The following LUZP2 variants were observed in gnomAD, a reference collection of about 807,000 sequenced individuals.
The protein encoded by LUZP2 is leucine zipper protein 2.
A neutral mutation model predicts 51.6 loss-of-function variants in LUZP2; 52 were observed. The ratio of observed to expected loss-of-function variants is 1.01; its 90% CI spans 0.81 to 1.27. The LOEUF (loss-of-function observed/expected upper bound fraction) is 1.27, where lower values mean the gene tolerates loss of function less well. Among genes scored for constraint, LUZP2 ranks in the 50% most tolerant of loss-of-function variants. LUZP2 has a pLI of 0.00. For missense variants in LUZP2, 436 were observed against 395.4 expected (o/e 1.10, Z -0.87); for synonymous variants, 154 against 137.3 (o/e 1.12, Z -0.85).
chr11:24,987,920 A>G (rs558849809), intron 9 of LUZP2, among the ~76,000 whole-genome samples: 5 of 152,104 alleles, frequency 3.3e-5, no homozygotes, highest in Non-Finnish European at 5.9e-5. Flanking sequence ...CTGGGTGTCA[A>G]TACTCCTGAT....
At chr11:24,897,069 C>G (rs1332799697) in intron 5 of LUZP2, among the ~76,000 whole-genome samples, 1 of 152,110 alleles carries the variant, frequency 6.6e-6, no homozygotes. Context: ...CCAATCAGTG[C>G]TCTGTGTCTA....
intron 1 of LUZP2, among the ~76,000 whole-genome samples, chr11:24,566,050 AATAAAAAAAATTACAAGGCATGTACAT>A (rs1367523267): frequency 4.0e-5 from 6 of 151,876 alleles, no homozygotes; most frequent in Admixed American, 3.9e-4. Context: ...TAGCAACAAT[AATAAAAAAAATTACAAGGCATGTACAT>A]ATAGAAAAAA....
At chr11:24,567,028 A>G (rs1427439855) in intron 1 of LUZP2, among the ~76,000 whole-genome samples, 7 of 147,034 alleles carry the variant, frequency 4.8e-5, no homozygotes, top group African/African-American at 9.9e-5. Context: ...TTTTTAGTAG[A>G]GACAGGATTT....
intron 5 of LUZP2, among the ~76,000 whole-genome samples, chr11:24,904,126 C>T (rs1455896234): frequency 6.6e-6 from 1 of 152,158 alleles, no homozygotes; most frequent in Non-Finnish European, 1.5e-5. Flanking sequence ...TCCACATCCT[C>T]ATCAGTACTT....
At chr11:24,879,186 C>A (rs960286190) in intron 5 of LUZP2, among the ~76,000 whole-genome samples, 1 of 152,086 alleles carries the variant, frequency 6.6e-6, no homozygotes, top group Non-Finnish European at 1.5e-5. Context: ...CCTCGTGATC[C>A]ACCCGCCTAG....
At chr11:24,692,144 C>G (rs1033908920) in intron 1 of LUZP2, among the ~76,000 whole-genome samples, 1 of 151,420 alleles carries the variant, frequency 6.6e-6, no homozygotes, top group Admixed American at 6.6e-5. Flanking sequence ...ACTTATGCAT[C>G]AGCTTCTTCA....
intron 9 of LUZP2, 49 bp downstream of exon 9, chr11:24,983,342 T>A (rs1856095144): frequency 6.4e-7 from 1 of 1,568,420 alleles, no homozygotes; most frequent in Non-Finnish European, 8.7e-7. Context: ...AGTAATGTGT[T>A]GTCTTTAAAG....
At chr11:24,952,337 A>G (rs920153736) in intron 7 of LUZP2, among the ~76,000 whole-genome samples, 1 of 151,798 alleles carries the variant, frequency 6.6e-6, no homozygotes, top group Non-Finnish European at 1.5e-5. Context: ...AGGCACCTAT[A>G]TAATTTATTA....
At chr11:24,580,960 TTTG>T (rs2133821145) in intron 1 of LUZP2, among the ~76,000 whole-genome samples, 1 of 152,200 alleles carries the variant, frequency 6.6e-6, no homozygotes, top group South Asian at 2.1e-4. Flanking sequence ...AAAAAACTAT[TTTG>T]TTATAATGAT....
intron 1 of LUZP2, among the ~76,000 whole-genome samples, chr11:24,615,757 T>C (rs1854263891): frequency 6.6e-6 from 1 of 151,770 alleles, no homozygotes; most frequent in African/African-American, 2.4e-5. Context: ...ATTTTACCTT[T>C]CCATCAACAA....
At chr11:24,891,440 C>G in intron 5 of LUZP2, 12 of 955,652 alleles carry the variant, frequency 1.3e-5, no homozygotes, top group Non-Finnish European at 1.5e-5. Context: ...CTGGAAAACA[C>G]CTTTTGGTTC....
At chr11:24,779,312 A>G (rs1481758610) in intron 5 of LUZP2, among the ~76,000 whole-genome samples, 1 of 152,234 alleles carries the variant, frequency 6.6e-6, no homozygotes, top group Non-Finnish European at 1.5e-5. Context: ...AGAAAATGCC[A>G]GTGCTTAGAA....
intron 5 of LUZP2, among the ~76,000 whole-genome samples, chr11:24,858,704 C>T (rs11028233): frequency 0.014 from 2,069 of 152,186 alleles, 52 homozygotes; most frequent in East Asian, 0.13. Flanking sequence ...TAAAGAAGAA[C>T]GTTTATATGC....
At chr11:25,024,151 T>C (rs908665072) in intron 9 of LUZP2, among the ~76,000 whole-genome samples, 7 of 152,092 alleles carry the variant, frequency 4.6e-5, no homozygotes, top group Non-Finnish European at 8.8e-5. Flanking sequence ...CTATTAGGTC[T>C]GCTTGGTGCA....
At position 24,571,782 on chromosome 11, in the gene LUZP2, T is replaced by C. The variant is rs539287577; in HGVS notation, c.62+74477T>C. 1.2e-4 allele frequency among the ~76,000 whole-genome samples: 19 copies of C among 152,196 alleles called. No homozygotes were observed. In the South Asian group the frequency reaches 3.5e-3, roughly 28 times the overall value. On this transcript the variant is annotated intron_variant, in intron 1 of 11. Transcript: ENST00000336930. ...TGAGAAGTAACGACTGCTAAATCTA[T>C]TTGTATCTGCTGATTTTTACCAGGT...
chr11:25,014,030 G>C (rs903625760), intron 9 of LUZP2, among the ~76,000 whole-genome samples: 5 of 152,022 alleles, frequency 3.3e-5, no homozygotes, highest in Non-Finnish European at 5.9e-5. Context: ...ATAGTTTGCT[G>C]AGAATGATGA....
chr11:24,958,035 AATG>A (rs1270326361), intron 7 of LUZP2, among the ~76,000 whole-genome samples: 3 of 152,176 alleles, frequency 2.0e-5, no homozygotes, highest in Non-Finnish European at 4.4e-5. Flanking sequence ...GTTTACTGAG[AATG>A]ATGATTTCCA....
At chr11:25,075,035 A>G (rs1415658848) in intron 10 of LUZP2, among the ~76,000 whole-genome samples, 1 of 152,152 alleles carries the variant, frequency 6.6e-6, no homozygotes, top group East Asian at 1.9e-4. Context: ...ATTTCTTACA[A>G]TTAGTTAATT....
At chr11:24,920,564 A>C (rs1854014410) in intron 7 of LUZP2, among the ~76,000 whole-genome samples, 1 of 152,146 alleles carries the variant, frequency 6.6e-6, no homozygotes, top group African/African-American at 2.4e-5. Context: ...CAGATGATAA[A>C]GAAATGTGGC....
Sources: allele counts gnomAD v4.1 joint callset (sites outside exome capture counted in the v4.1 genomes callset), GRCh38; gene constraint gnomAD v4.1.1; transcripts MANE v1.5; gene names NCBI Gene and HGNC (gene_info 2026-07-23, HGNC 2026-07-21).